Variants in ATXN1L observed in about 807,000 individuals in gnomAD.
ATXN1L encodes the protein ataxin-1-like.
In ATXN1L, 8 loss-of-function variants were observed where a neutral mutation model predicts 43.4. The observed-to-expected ratio is 0.18, with a 90% CI of 0.11 to 0.33. The LOEUF is 0.33. Ranked by LOEUF, ATXN1L falls within the 10% of genes least tolerant of loss-of-function variation. The probability of loss-of-function intolerance (pLI) is 1.00; values close to 1 mark genes in which losing one functional copy is unlikely to be tolerated. For missense variants in ATXN1L, 856 were observed against 885.4 expected, an observed-to-expected ratio of 0.97 and a Z score of 0.42; for synonymous variants, 379 against 360.6, an observed-to-expected ratio of 1.05 and a Z score of -0.58.
chr16:71,853,467 A>G lies in ATXN1L; in HGVS notation c.*1657A>G, dbSNP rs561977775. On this transcript the variant is annotated 3_prime_UTR_variant, in exon 3 of 3. Coordinates refer to ENST00000427980, the MANE Select transcript of ATXN1L (RefSeq NM_001137675.4). ...TCTCTGGTTAGACTTCTCCCAGGCT[A>G]TGATCCTGGCATGTCCTTTATAAGG... The G allele has an allele frequency of 3.6e-5, 6 of 167,178 alleles. No individual in the cohort carries two copies. Among genetic ancestry groups the G allele is most frequent in the Admixed American group, 2.0e-4 (3 of 15,296 alleles). The allele number at this position is 167,178 out of a possible 1,614,324, so 10.4% of individuals were successfully genotyped here.
At chr16:71,846,142 C>A in intron 1 of ATXN1L, 38 bp downstream of exon 1, 1 of 188,362 alleles carries the variant, frequency 5.3e-6, no homozygotes. Context: ...CGGGGCCAGG[C>A]AGGCCTGGGG....
rs1356900611 is a variant in ATXN1L at position 71,852,536 on chromosome 16, A to G, written c.*726A>G. 6.0e-6 allele frequency: 1 copy of G among 167,180 alleles called. No individual in the cohort carries two copies. The highest frequency in any genetic ancestry group is 1.9e-4 in the East Asian group (1 of 5,196). The allele number at this position is 167,180 out of a possible 1,614,324, so 10.4% of individuals were successfully genotyped here. ...GTACTACCTTGCCAGGGACTCAGTC[A>G]GGGGACTTTGGGAGAAAGACTTGAT... is the stretch of plus-strand genomic sequence containing the variant. On this transcript the variant is annotated 3_prime_UTR_variant, in exon 3 of 3. Coordinates refer to ENST00000427980, the MANE Select transcript of ATXN1L (RefSeq NM_001137675.4).
rs1262115117 is a variant in ATXN1L at position 71,854,028 on chromosome 16, G to A, written c.*2218G>A. On this transcript the variant is annotated 3_prime_UTR_variant, in exon 3 of 3. Transcript: ENST00000427980. Reference sequence around the variant, plus strand: ...ATCCCCTCAAATGAGAAGGCCTTGGGAGAAGGCCTCATCTCTGGCTGTTTC... The same window carrying A: ...ATCCCCTCAAATGAGAAGGCCTTGGAAGAAGGCCTCATCTCTGGCTGTTTC... 1 of 167,082 alleles carries A rather than the reference G, an allele frequency of 6.0e-6. No individual in the cohort carries two copies. The highest frequency in any genetic ancestry group is 1.5e-5 in the Non-Finnish European group (1 of 68,132). 10.3% of individuals were successfully genotyped at this position (167,082 alleles called of 1,614,324 possible).
chr16:71,850,108 A>G lies in ATXN1L; in HGVS notation c.368A>G (p.His123Arg), dbSNP rs865841569. ...TCACTAATTCAACATCCAGGCATCC[A>G]CTATCCTCCACTCCACTATGCTCAG... The part of the protein sequence containing the change: ...ASSLIQHPGI[H>R]YPPLHYAQLP... The change falls in exon 3 of 3, where the codon CAC becomes CGC. Residue 123 changes from histidine to arginine, a missense_variant. Transcript: ENST00000427980. The G allele has an allele frequency of 2.6e-6, 4 of 1,551,472 alleles. No individual in the cohort carries two copies. Among genetic ancestry groups the G allele is most frequent in the Non-Finnish European group, 3.5e-6 (4 of 1,146,976 alleles).
Position 71,851,974 on chromosome 16 carries a change from T to C in ATXN1L, c.*164T>C, listed in dbSNP as rs2033508900. On this transcript the variant is annotated 3_prime_UTR_variant, in exon 3 of 3. Transcript: ENST00000427980. The surrounding 1 kb of genome is among the most constrained non-coding windows in gnomAD (Gnocchi z 4.9). The stretch of plus-strand genomic sequence containing the variant: ...CAGCCTCCCAAGGCAGGATCTGTTG[T>C]TCATTACCCCATGGCATCCTTTCAG... The C allele has an allele frequency of 1.3e-6, 1 of 772,566 alleles. No homozygotes were observed. Among genetic ancestry groups the C allele is most frequent in the African/African-American group, 1.8e-5 (1 of 56,418 alleles). 47.9% of individuals were successfully genotyped at this position (772,566 alleles called of 1,614,324 possible).
In ATXN1L at chr16:71,854,264, C is replaced by G. The variant is rs1157104813; in HGVS notation, c.*2454C>G. ...TTAGTTTAGATCAAATCACCTTCCACTTGGGCTACTTGTGACTTTCCAACC... is the reference window on the plus strand; with the variant it reads ...TTAGTTTAGATCAAATCACCTTCCAGTTGGGCTACTTGTGACTTTCCAACC... On this transcript the variant is annotated 3_prime_UTR_variant, in exon 3 of 3. Coordinates refer to ENST00000427980, the MANE Select transcript of ATXN1L (RefSeq NM_001137675.4). 1 of 167,100 alleles carries G rather than the reference C, an allele frequency of 6.0e-6. No homozygotes were observed. The highest frequency in any genetic ancestry group is 2.4e-5 in the African/African-American group (1 of 41,448). 10.4% of individuals were successfully genotyped at this position (167,100 alleles called of 1,614,324 possible). A position where few individuals can be genotyped will look rare whatever the true frequency, so the allele number is the denominator to read the frequency against.
Position 71,854,698 on chromosome 16 carries a change from A to T in ATXN1L, c.*2888A>T, listed in dbSNP as rs1013605037. ...TTAGTGGGAAGTTGCCAACTTTTTA[A>T]GAATGAGCAGTTGACAAGGGCCAGA... On this transcript the variant is annotated 3_prime_UTR_variant, in exon 3 of 3. Coordinates refer to ENST00000427980, the MANE Select transcript of ATXN1L (RefSeq NM_001137675.4). 3 of 167,228 alleles carry T rather than the reference A, an allele frequency of 1.8e-5. No individual in the cohort carries two copies. The highest frequency in any genetic ancestry group is 2.1e-4 in the South Asian group (1 of 4,826). The allele number at this position is 167,228 out of a possible 1,614,324, so 10.4% of individuals were successfully genotyped here.
intron 1 of ATXN1L, among the ~76,000 whole-genome samples, chr16:71,846,513 C>T (rs928631231): frequency 2.0e-5 from 3 of 152,228 alleles, no homozygotes; most frequent in Non-Finnish European, 4.4e-5. Context: ...ACCGTAGTCT[C>T]TGACAAGCTT....
At position 71,851,791 on chromosome 16, in the gene ATXN1L, G is replaced by T. The variant is rs904895544; in HGVS notation, c.2051G>T (p.Arg684Leu). 2.8e-6 allele frequency: 4 copies of T among 1,431,776 alleles called. No individual in the cohort carries two copies. Among genetic ancestry groups the T allele is most frequent in the African/African-American group, 2.9e-5 (2 of 69,526 alleles). The allele number at this position is 1,431,776 out of a possible 1,614,324, so 88.7% of individuals were successfully genotyped here. A position where few individuals can be genotyped will look rare whatever the true frequency, so the allele number is the denominator to read the frequency against. The change falls in exon 3 of 3, where the codon CGT becomes CTT. Residue 684 changes from arginine (R) to leucine (L), a missense_variant. By Grantham distance (102) the Arg-to-Leu change is moderately radical. Transcript: ENST00000427980. The surrounding 1 kb of genome is among the most constrained non-coding windows in gnomAD (Gnocchi z 4.9). ...GAGGTAAAGCTGTCCATTGAAGGGC[G>T]TTCCAATGCGGGAAAATGAACCTCT... The part of the protein sequence containing the change: ...PQEVKLSIEG[R>L]SNAGK
chr16:71,851,849 G>A lies in ATXN1L; in HGVS notation c.*39G>A, dbSNP rs1311239837. ...ACCAGGACTGGGGCTTTACCCCAGA[G>A]CCTCGCCTCGCCGCCGTGAGCAGGC... On this transcript the variant is annotated 3_prime_UTR_variant, in exon 3 of 3. Transcript: ENST00000427980. This position sits in a 1 kb window ranked among gnomAD's most constrained non-coding sequence, Gnocchi z 4.9. 2.9e-6 allele frequency: 4 copies of A among 1,382,714 alleles called. No individual in the cohort carries two copies. The African/African-American group carries it at 5.8e-5, about 20-fold the overall frequency. 85.7% of individuals were successfully genotyped at this position (1,382,714 alleles called of 1,614,324 possible). A position where few individuals can be genotyped will look rare whatever the true frequency, so the allele number is the denominator to read the frequency against.
Position 71,850,750 on chromosome 16 carries a change from T to A in ATXN1L, c.1010T>A (p.Val337Asp). 6.4e-7 allele frequency: 1 copy of A among 1,551,612 alleles called. No homozygotes were observed. The highest frequency in any genetic ancestry group is 2.0e-5 in the Admixed American group (1 of 50,992). The change falls in exon 3 of 3, where the codon GTC becomes GAC. Residue 337 changes from valine to aspartate, a missense_variant. Around this residue, in one of 7 missense-constraint regions of ATXN1L, gnomAD observed 490 missense variants for 449.4 expected, o/e 1.09. Transcript: ENST00000427980. ...GGGACCCCGGACACTGACCTTGAGG[T>A]CCAGCGGGTGGTTGGCGCTTTAGCT... is the stretch of plus-strand genomic sequence containing the variant. ...HRGTPDTDLE[V>D]QRVVGALASQ...
In ATXN1L at chr16:71,853,771, CTT is replaced by C. The variant is rs2033527867; in HGVS notation, c.*1963_*1964del. 6.0e-6 allele frequency: 1 copy of C among 167,122 alleles called. No homozygotes were observed. Among genetic ancestry groups the C allele is most frequent in the Non-Finnish European group, 1.5e-5 (1 of 68,146 alleles). The allele number at this position is 167,122 out of a possible 1,614,324, so 10.4% of individuals were successfully genotyped here. On this transcript the variant is annotated 3_prime_UTR_variant, in exon 3 of 3. Transcript: ENST00000427980. ...TTTGCTACAAGCCCTACCCTCCACTCTTTCATTCCTTGAAAGCAGTTTGCCTG... is the reference window on the plus strand; with the variant it reads ...TTTGCTACAAGCCCTACCCTCCACTCTCATTCCTTGAAAGCAGTTTGCCTG...
chr16:71,851,731 G>T lies in ATXN1L; in HGVS notation c.1991G>T (p.Arg664Leu). Reference sequence around the variant, plus strand: ...TACAGCATGCAAGGGGAGGAGGCACGGGCTGCGCTGCTCCGTCCCTCTTTC... The same window carrying T: ...TACAGCATGCAAGGGGAGGAGGCACTGGCTGCGCTGCTCCGTCCCTCTTTC... ...QRYSMQGEEARAALLRPSFIP... is the reference protein window; with the variant it reads ...QRYSMQGEEALAALLRPSFIP... The change falls in exon 3 of 3, where the codon CGG becomes CTG. Residue 664 changes from arginine (R) to leucine (L), a missense_variant. Around this residue, in one of 7 missense-constraint regions of ATXN1L, gnomAD observed 185 missense variants for 176.8 expected, o/e 1.05. Transcript: ENST00000427980. The surrounding 1 kb of genome is among the most constrained non-coding windows in gnomAD (Gnocchi z 4.9). The T allele has an allele frequency of 6.8e-7, 1 of 1,467,346 alleles. No homozygotes were observed. Among genetic ancestry groups the T allele is most frequent in the Non-Finnish European group, 9.0e-7 (1 of 1,105,326 alleles). The allele number at this position is 1,467,346 out of a possible 1,614,324, so 90.9% of individuals were successfully genotyped here.
At chr16:71,847,001 GA>G (rs2033449848) in intron 1 of ATXN1L, among the ~76,000 whole-genome samples, 1 of 152,186 alleles carries the variant, frequency 6.6e-6, no homozygotes, top group Non-Finnish European at 1.5e-5. Context: ...TGCTGGTGGA[GA>G]AAAGAGTCAT....
chr16:71,848,467 C>G (rs2033465993), intron 2 of ATXN1L: 1 of 156,256 alleles, frequency 6.4e-6, no homozygotes, highest in African/African-American at 2.4e-5. Flanking sequence ...ATAGAGAAGG[C>G]AAATTGAAGG....
Position 71,850,715 on chromosome 16 carries a change from A to G in ATXN1L, c.975A>G (p.Pro325=), listed in dbSNP as rs1330147571. 2.6e-6 allele frequency: 4 copies of G among 1,551,606 alleles called. No individual in the cohort carries two copies. Among genetic ancestry groups the G allele is most frequent in the Non-Finnish European group, 3.5e-6 (4 of 1,147,010 alleles). The change falls in exon 3 of 3, where the codon CCA becomes CCG. Residue 325 remains proline (P), a synonymous_variant. Transcript: ENST00000427980. ...CTCCACGGGTAGAGGTAGCAGCACC[A>G]GCACACCGGGGGACCCCGGACACTG... ...SQTPRVEVAA[P]AHRGTPDTDL... is the part of the protein sequence containing the mutation.
rs958274416 is a variant in ATXN1L, at chr16:71,846,151, G to A, written c.-180+47G>A. 4 of 177,956 alleles carry A rather than the reference G, an allele frequency of 2.2e-5. No homozygotes were observed. In the Admixed American group the frequency reaches 2.6e-4, roughly 12 times the overall value. The allele number at this position is 177,956 out of a possible 1,614,324, so 11.0% of individuals were successfully genotyped here. On this transcript the variant is annotated intron_variant, in intron 1 of 2. Transcript: ENST00000427980. ...GGCCGCCGGGGCCAGGCAGGCCTGG[G>A]GTCGGTGCTCCGGAGGAAGTGGCCC... is the stretch of plus-strand genomic sequence containing the variant.
intron 1 of ATXN1L, 28 bp downstream of exon 1, chr16:71,846,132 CG>C (rs1451231358): frequency 2.7e-5 from 5 of 187,476 alleles, no homozygotes; most frequent in East Asian, 1.8e-4. Context: ...TGGTGGCCGC[CG>C]GGGCCAGGCA....
intron 1 of ATXN1L, among the ~76,000 whole-genome samples, chr16:71,846,565 G>C (rs2033445881): frequency 6.6e-6 from 1 of 152,230 alleles, no homozygotes; most frequent in Non-Finnish European, 1.5e-5. Flanking sequence ...CAGAGAATTT[G>C]GGTCTCCAGC....
Sources: allele counts gnomAD v4.1 joint callset (sites outside exome capture counted in the v4.1 genomes callset), GRCh38; gene constraint gnomAD v4.1.1; regional missense constraint gnomAD v4.1.1; non-coding constraint Gnocchi (gnomAD v3.1); transcripts MANE v1.5; gene names NCBI Gene and HGNC (gene_info 2026-07-23, HGNC 2026-07-21).